The following ETV2 variants were observed in gnomAD, a reference collection of about 807,000 sequenced individuals.
ETV2 encodes the protein ETS translocation variant 2.
ETV2 carries 34 observed loss-of-function variants against 35.7 expected under a neutral mutation model. The observed-to-expected ratio is 0.95, with a 90% CI of 0.72 to 1.27. ETV2 has a LOEUF of 1.27. ETV2 is among the 50% of genes most tolerant of loss of function. ETV2 has a pLI of 0.00. For synonymous variants in ETV2, 207 were observed against 203.9 expected (o/e 1.02, Z -0.13); for missense variants, 512 against 470.5 (o/e 1.09, Z -0.82).
chr19:35,643,232 G>T lies in ETV2; in HGVS notation c.236-42G>T, dbSNP rs1432531536. 2.6e-6 allele frequency: 4 copies of T among 1,555,142 alleles called. No homozygotes were observed. The highest frequency in any genetic ancestry group is 3.5e-6 in the Non-Finnish European group (4 of 1,154,886). On this transcript the variant is annotated intron_variant, in intron 4 of 6. Transcript: ENST00000402764. This position sits in a 1 kb window ranked among gnomAD's most constrained non-coding sequence, Gnocchi z 5.0. ...CTTAGACCCTAGAGTTTTTGAGGGG[G>T]CACCTGGGCTCCCCTCACTCGGGAT...
In ETV2 at chr19:35,644,231, G is replaced by T; in HGVS notation, c.716-4G>T. 1.9e-6 allele frequency: 3 copies of T among 1,546,590 alleles called. No homozygotes were observed. Among genetic ancestry groups the T allele is most frequent in the Admixed American group, 1.9e-5 (1 of 52,012 alleles). The stretch of plus-strand genomic sequence containing the variant: ...CTGAGTGTGCCCCTCCCTTCATCCC[G>T]CAGGTCCCATTCAGCTGTGGCAGTT... On this transcript the variant is annotated splice_region_variant and splice_polypyrimidine_tract_variant and intron_variant, in intron 5 of 6. Coordinates refer to ENST00000402764, the MANE Select transcript of ETV2 (RefSeq NM_014209.4). The surrounding 1 kb of genome is among the most constrained non-coding windows in gnomAD (Gnocchi z 4.7).
In ETV2 at chr19:35,643,115, T is replaced by TCCCTGATCTTTGAGGACTGAGAAA; in HGVS notation, c.235+93_235+94insACCCTGATCTTTGAGGACTGAGAA. On this transcript the variant is annotated intron_variant, in intron 4 of 6. Coordinates refer to ENST00000402764, the MANE Select transcript of ETV2 (RefSeq NM_014209.4). This position sits in a 1 kb window ranked among gnomAD's most constrained non-coding sequence, Gnocchi z 5.0. The stretch of plus-strand genomic sequence containing the variant: ...AGGCACCGGGGCTAGAGGTGTAGAC[T>TCCCTGATCTTTGAGGACTGAGAAA]CCCTGATCTTTGAGGACTGAGAACA... 7.3e-7 allele frequency: 1 copy of TCCCTGATCTTTGAGGACTGAGAAA among 1,369,236 alleles called. No individual in the cohort carries two copies. The highest frequency in any genetic ancestry group is 1.0e-6 in the Non-Finnish European group (1 of 995,636). 84.8% of individuals were successfully genotyped at this position (1,369,236 alleles called of 1,614,324 possible).
At position 35,642,632 on chromosome 19, in the gene ETV2, TTC is replaced by T; in HGVS notation, c.90_91del (p.Phe30LeufsTer4). ...GCCTGCAGAAGGAGCCAAATTAGGC[TTC>T]TGTTTCCCTGATCTGGCACTCCAAG... ...LAGLEGAKLG[F>X]CFPDLALQGD... is the part of the protein sequence containing the mutation. On this transcript the variant is annotated frameshift_variant, in exon 3 of 7. Transcript: ENST00000402764. LOFTEE classifies it high-confidence loss of function. This position sits in a 1 kb window ranked among gnomAD's most constrained non-coding sequence, Gnocchi z 4.4. 1 of 1,608,572 alleles carries T rather than the reference TTC, an allele frequency of 6.2e-7. No individual in the cohort carries two copies. Among genetic ancestry groups the T allele is most frequent in the Non-Finnish European group, 8.5e-7 (1 of 1,177,598 alleles).
rs1568339405 is a variant in ETV2 at position 35,643,699 on chromosome 19, A to AGCCCGCAGTCGGACCGT, written c.665_681dup (p.Ser228ArgfsTer69). 1.2e-6 allele frequency: 2 copies of AGCCCGCAGTCGGACCGT among 1,613,776 alleles called. No homozygotes were observed. Among genetic ancestry groups the AGCCCGCAGTCGGACCGT allele is most frequent in the Admixed American group, 1.7e-5 (1 of 60,022 alleles). The stretch of plus-strand genomic sequence containing the variant: ...AGCTCTCACCGTTTGCTCCGAACCG[A>AGCCCGCAGTCGGACCGT]GCCCGCAGTCGGACCGTGCCAGTTT... On this transcript the variant is annotated frameshift_variant, in exon 5 of 7. Transcript: ENST00000402764. LOFTEE classifies it high-confidence loss of function. The surrounding 1 kb of genome is among the most constrained non-coding windows in gnomAD (Gnocchi z 5.0).
rs760911424 is a variant in ETV2 at position 35,642,895 on chromosome 19, G to T, written c.155-70G>T. 5.7e-6 allele frequency: 6 copies of T among 1,051,828 alleles called. 1 individual carries two copies. Among genetic ancestry groups the T allele is most frequent in the Non-Finnish European group, 8.6e-6 (6 of 694,418 alleles). The allele number at this position is 1,051,828 out of a possible 1,614,324, so 65.2% of individuals were successfully genotyped here. A position where few individuals can be genotyped will look rare whatever the true frequency, so the allele number is the denominator to read the frequency against. On this transcript the variant is annotated intron_variant, in intron 3 of 6. Transcript: ENST00000402764. The surrounding 1 kb of genome is among the most constrained non-coding windows in gnomAD (Gnocchi z 4.4). ...TGGGGGGCCATAACTCCCAGTCCCT[G>T]ACAAGTAGAGACTAGAGAGTGGGTA... is the stretch of plus-strand genomic sequence containing the variant.
In ETV2 at chr19:35,643,938, G is replaced by C. The variant is rs1192688207; in HGVS notation, c.715+185G>C. Among the ~76,000 whole-genome samples the C allele has an allele frequency of 6.6e-6, 1 of 152,154 alleles. No homozygotes were observed. The highest frequency in any genetic ancestry group is 1.5e-5 in the Non-Finnish European group (1 of 68,006). On this transcript the variant is annotated intron_variant, in intron 5 of 6. Coordinates refer to ENST00000402764, the MANE Select transcript of ETV2 (RefSeq NM_014209.4). This position sits in a 1 kb window ranked among gnomAD's most constrained non-coding sequence, Gnocchi z 5.0. ...TGGGGAGGAGAGGGCTAAGAAACTG[G>C]TAGTCTTATAGGGACCAAGGGGATG...
rs1220883901 is a variant in ETV2, at chr19:35,644,803, T to C, written c.980T>C (p.Leu327Pro). 6 of 1,612,068 alleles carry C rather than the reference T, an allele frequency of 3.7e-6. No homozygotes were observed. The highest frequency in any genetic ancestry group is 5.1e-6 in the Non-Finnish European group (6 of 1,179,160). The change falls in exon 7 of 7, where the codon CTA (leucine) becomes CCA (proline). Residue 327 changes from leucine (L) to proline (P), a missense_variant. By Grantham distance (98) the Leu-to-Pro change is moderately conservative (BLOSUM62 -3). Transcript: ENST00000402764. The surrounding 1 kb of genome is among the most constrained non-coding windows in gnomAD (Gnocchi z 4.7). The part of the protein sequence containing the change: ...TYRFGGRVPS[L>P]AYPDCAGGGR... ...CGCTTCGGGGGCCGCGTGCCCAGCC[T>C]AGCCTATCCGGACTGTGCGGGAGGC...
In ETV2 at chr19:35,644,207, T is replaced by G; in HGVS notation, c.716-28T>G. 2 of 1,433,838 alleles carry G rather than the reference T, an allele frequency of 1.4e-6. No homozygotes were observed. The highest frequency in any genetic ancestry group is 1.2e-5 in the South Asian group (1 of 81,736). 88.8% of individuals were successfully genotyped at this position (1,433,838 alleles called of 1,614,324 possible). A position where few individuals can be genotyped will look rare whatever the true frequency, so the allele number is the denominator to read the frequency against. On this transcript the variant is annotated intron_variant, in intron 5 of 6. Coordinates refer to ENST00000402764, the MANE Select transcript of ETV2 (RefSeq NM_014209.4). This position sits in a 1 kb window ranked among gnomAD's most constrained non-coding sequence, Gnocchi z 4.7. ...TGGTGTGATCTAGGGCCGGGAAGAC[T>G]GAGTGTGCCCCTCCCTTCATCCCGC... is the stretch of plus-strand genomic sequence containing the variant.
Position 35,644,431 on chromosome 19 carries a change from G to T in ETV2, c.828+84G>T, listed in dbSNP as rs1211071292. The T allele has an allele frequency of 6.8e-6, 7 of 1,025,852 alleles. No homozygotes were observed. Among genetic ancestry groups the T allele is most frequent in the Admixed American group, 2.1e-5 (1 of 47,226 alleles). The allele number at this position is 1,025,852 out of a possible 1,614,324, so 63.5% of individuals were successfully genotyped here. ...CCGCCCAAGGGCTAGGTTCAACCGC[G>T]TAGCCCTCGGCCCCGCCGCTCCCCG... On this transcript the variant is annotated intron_variant, in intron 6 of 6. Transcript: ENST00000402764. The surrounding 1 kb of genome is among the most constrained non-coding windows in gnomAD (Gnocchi z 4.7).
chr19:35,643,733 G>T lies in ETV2; in HGVS notation c.695G>T (p.Cys232Phe). 1.2e-6 allele frequency: 2 copies of T among 1,613,712 alleles called. No homozygotes were observed. The highest frequency in any genetic ancestry group is 8.5e-7 in the Non-Finnish European group (1 of 1,179,820). Residue 232 changes from cysteine to phenylalanine, a missense_variant, in exon 5 of 7, where the codon TGC becomes TTC. Transcript: ENST00000402764. The surrounding 1 kb of genome is among the most constrained non-coding windows in gnomAD (Gnocchi z 5.0). ...PQSDRASLAR[C>F]PKTNHRGPIQ... ...TCGGACCGTGCCAGTTTGGCTCGAT[G>T]CCCCAAAACTAACCACCGAGGTGAG...
rs931363362 is a variant in ETV2 at position 35,643,598 on chromosome 19, G to T, written c.560G>T (p.Gly187Val). 15 of 1,601,202 alleles carry T rather than the reference G, an allele frequency of 9.4e-6. No homozygotes were observed. The highest frequency in any genetic ancestry group is 1.2e-5 in the Non-Finnish European group (14 of 1,174,512). ...ACCATTTCGTGGGGCGGGCCCGCGG[G>T]CCCGGACTGTACCACCTCCTGGAAC... ...DCTISWGGPAGPDCTTSWNPG... is the reference protein window; with the variant it reads ...DCTISWGGPAVPDCTTSWNPG... Residue 187 changes from glycine to valine, a missense_variant, in exon 5 of 7, where the codon GGC becomes GTC. Coordinates refer to ENST00000402764, the MANE Select transcript of ETV2 (RefSeq NM_014209.4). The surrounding 1 kb of genome is among the most constrained non-coding windows in gnomAD (Gnocchi z 5.0).
rs1185829609 is a variant in ETV2, at chr19:35,642,719, C to T, written c.154+21C>T. Reference sequence around the variant, plus strand: ...GAAAGGTGGCTGCGGGCTGGGACCCCTAAGTGCTGGAGAAGAAGCGGGGAG... The same window carrying T: ...GAAAGGTGGCTGCGGGCTGGGACCCTTAAGTGCTGGAGAAGAAGCGGGGAG... On this transcript the variant is annotated intron_variant, in intron 3 of 6. Coordinates refer to ENST00000402764, the MANE Select transcript of ETV2 (RefSeq NM_014209.4). The surrounding 1 kb of genome is among the most constrained non-coding windows in gnomAD (Gnocchi z 4.4). The T allele has an allele frequency of 1.9e-6, 3 of 1,551,770 alleles. No homozygotes were observed. Among genetic ancestry groups the T allele is most frequent in the Non-Finnish European group, 2.6e-6 (3 of 1,139,132 alleles).
chr19:35,643,516 C>A lies in ETV2; in HGVS notation c.478C>A (p.Pro160Thr), dbSNP rs1436010784. The A allele has an allele frequency of 6.5e-7, 1 of 1,549,716 alleles. No homozygotes were observed. Among genetic ancestry groups the A allele is most frequent in the Non-Finnish European group, 8.7e-7 (1 of 1,146,458 alleles). The change falls in exon 5 of 7, where the codon CCC (proline) becomes ACC (threonine). Residue 160 changes from proline (P) to threonine (T), a missense_variant. By Grantham distance (38) the Pro-to-Thr change is conservative (BLOSUM62 -1). Transcript: ENST00000402764. The surrounding 1 kb of genome is among the most constrained non-coding windows in gnomAD (Gnocchi z 5.0). ...SNTSWDCSVGPDGDTYWGSGL... is the reference protein window; with the variant it reads ...SNTSWDCSVGTDGDTYWGSGL... Reference sequence around the variant, plus strand: ...CACCAGCTGGGACTGTTCTGTGGGGCCCGACGGCGATACCTACTGGGGCAG... The same window carrying A: ...CACCAGCTGGGACTGTTCTGTGGGGACCGACGGCGATACCTACTGGGGCAG...
chr19:35,643,407 C>T lies in ETV2; in HGVS notation c.369C>T (p.Gly123=), dbSNP rs1268256010. The T allele has an allele frequency of 6.5e-7, 1 of 1,544,776 alleles. No homozygotes were observed. ...PLGPGPIPAA[G]SEGAAGQNCV... ...GCCCGGGCCCCATCCCCGCCGCCGG[C>T]TCCGAAGGCGCCGCGGGCCAGAACT... Residue 123 remains glycine (G), a synonymous_variant, in exon 5 of 7, where the codon GGC becomes GGT. Coordinates refer to ENST00000402764, the MANE Select transcript of ETV2 (RefSeq NM_014209.4). This position sits in a 1 kb window ranked among gnomAD's most constrained non-coding sequence, Gnocchi z 5.0.
At position 35,644,658 on chromosome 19, in the gene ETV2, C is replaced by A. The variant is rs758217215; in HGVS notation, c.835C>A (p.Arg279=). ...GAGCGGGCCTCTGTCCTAGGTGGCT[C>A]GGCTGTGGGGCGAGCGCAAGAGAAA... is the stretch of plus-strand genomic sequence containing the variant. ...FQLCDPKEVA[R]LWGERKRKPG... The change falls in exon 7 of 7, where the codon CGG becomes AGG. Residue 279 remains arginine, a synonymous_variant. Coordinates refer to ENST00000402764, the MANE Select transcript of ETV2 (RefSeq NM_014209.4). This position sits in a 1 kb window ranked among gnomAD's most constrained non-coding sequence, Gnocchi z 4.7. 7.5e-6 allele frequency: 12 copies of A among 1,606,088 alleles called. No homozygotes were observed. The African/African-American group carries it at 1.6e-4, about 21-fold the overall frequency.
At position 35,642,953 on chromosome 19, in the gene ETV2, C is replaced by T; in HGVS notation, c.155-12C>T. On this transcript the variant is annotated splice_polypyrimidine_tract_variant and intron_variant, in intron 3 of 6. Coordinates refer to ENST00000402764, the MANE Select transcript of ETV2 (RefSeq NM_014209.4). The surrounding 1 kb of genome is among the most constrained non-coding windows in gnomAD (Gnocchi z 4.4). ...GGTCTCTTTCATTGCTCACAGTCCTCCCTAAACTCAGGTACAAGCTCATCC... is the reference window on the plus strand; with the variant it reads ...GGTCTCTTTCATTGCTCACAGTCCTTCCTAAACTCAGGTACAAGCTCATCC... 2.0e-6 allele frequency: 3 copies of T among 1,532,108 alleles called. No homozygotes were observed. Among genetic ancestry groups the T allele is most frequent in the Non-Finnish European group, 2.7e-6 (3 of 1,123,792 alleles). The allele number at this position is 1,532,108 out of a possible 1,614,324, so 94.9% of individuals were successfully genotyped here. A position where few individuals can be genotyped will look rare whatever the true frequency, so the allele number is the denominator to read the frequency against.
Position 35,642,575 on chromosome 19 carries a change from G to A in ETV2, c.71-40G>A, listed in dbSNP as rs1568338176. On this transcript the variant is annotated intron_variant, in intron 2 of 6. Transcript: ENST00000402764. This position sits in a 1 kb window ranked among gnomAD's most constrained non-coding sequence, Gnocchi z 4.4. Reference sequence around the variant, plus strand: ...ACAACGTGTGTGGGGAGGGTGTCCAGGTGGGGCCTCTGCTGACCCTAACCC... The same window carrying A: ...ACAACGTGTGTGGGGAGGGTGTCCAAGTGGGGCCTCTGCTGACCCTAACCC... 1 of 1,613,424 alleles carries A rather than the reference G, an allele frequency of 6.2e-7. No individual in the cohort carries two copies. The highest frequency in any genetic ancestry group is 1.1e-5 in the South Asian group (1 of 90,988).
rs1441283626 is a variant in ETV2, at chr19:35,643,133, T to C, written c.235+88T>C. On this transcript the variant is annotated intron_variant, in intron 4 of 6. Transcript: ENST00000402764. This position sits in a 1 kb window ranked among gnomAD's most constrained non-coding sequence, Gnocchi z 5.0. ...TGTAGACTCCCTGATCTTTGAGGACTGAGAACACCTGCGCCCTCAAGGTGG... is the reference window on the plus strand; with the variant it reads ...TGTAGACTCCCTGATCTTTGAGGACCGAGAACACCTGCGCCCTCAAGGTGG... The C allele has an allele frequency of 1.4e-6, 2 of 1,381,250 alleles. No individual in the cohort carries two copies. Among genetic ancestry groups the C allele is most frequent in the African/African-American group, 2.9e-5 (2 of 68,370 alleles). The allele number at this position is 1,381,250 out of a possible 1,614,324, so 85.6% of individuals were successfully genotyped here. A position where few individuals can be genotyped will look rare whatever the true frequency, so the allele number is the denominator to read the frequency against.
Position 35,642,932 on chromosome 19 carries a change from T to G in ETV2, c.155-33T>G. 1 of 1,361,932 alleles carries G rather than the reference T, an allele frequency of 7.3e-7. No individual in the cohort carries two copies. Among genetic ancestry groups the G allele is most frequent in the Non-Finnish European group, 1.0e-6 (1 of 973,022 alleles). The allele number at this position is 1,361,932 out of a possible 1,614,324, so 84.4% of individuals were successfully genotyped here. A position where few individuals can be genotyped will look rare whatever the true frequency, so the allele number is the denominator to read the frequency against. ...CTAGAGAGTGGGTAGTTGAGGGGTC[T>G]CTTTCATTGCTCACAGTCCTCCCTA... On this transcript the variant is annotated intron_variant, in intron 3 of 6. Coordinates refer to ENST00000402764, the MANE Select transcript of ETV2 (RefSeq NM_014209.4). This position sits in a 1 kb window ranked among gnomAD's most constrained non-coding sequence, Gnocchi z 4.4.
Sources: gnomAD v4.1 joint callset for allele counts (sites outside exome capture counted in the v4.1 genomes callset) on GRCh38, gnomAD v4.1.1 for gene constraint, Gnocchi (gnomAD v3.1) non-coding constraint, MANE v1.5 for transcripts, NCBI Gene and HGNC (gene_info 2026-07-23, HGNC 2026-07-21) for gene names.